Variants in GABRG3 observed in about 807,000 individuals in gnomAD.
The protein encoded by GABRG3 is gamma-aminobutyric acid type A receptor subunit gamma3.
Under a neutral mutation model 48.8 loss-of-function variants are expected in GABRG3, and 25 were observed. The observed-to-expected ratio is 0.51, with a 90% CI of 0.37 to 0.72. GABRG3 has a LOEUF of 0.72. Ranked by LOEUF, GABRG3 falls within the 30% of genes least tolerant of loss-of-function variation. GABRG3 has a pLI of 0.00. For missense variants in GABRG3, 394 were observed against 577.9 expected, an observed-to-expected ratio of 0.68 and a Z score of 3.26; for synonymous variants, 227 against 217.6, an observed-to-expected ratio of 1.04 and a Z score of -0.38.
intron 3 of GABRG3, among the ~76,000 whole-genome samples, chr15:27,256,433 T>A: frequency 8.3e-6 from 1 of 120,320 alleles, no homozygotes; most frequent in Non-Finnish European, 1.6e-5. Flanking sequence ...AGAGCAAGAC[T>A]CCGTCTCAAA....
chr15:27,090,644 C>A (rs1317426010), intron 3 of GABRG3, among the ~76,000 whole-genome samples: 1 of 152,004 alleles, frequency 6.6e-6, no homozygotes, highest in African/African-American at 2.4e-5. Context: ...GGATGTCTTT[C>A]TATTTATTTG....
chr15:27,155,611 G>T lies in GABRG3; in HGVS notation c.270+128790G>T, dbSNP rs138442350. ...AGGGAGTTGGAGTTCATCACTTCCA[G>T]GTTGCTACAGAAGTCCAGTTTCCGT... On this transcript the variant is annotated intron_variant, in intron 3 of 9. Coordinates refer to ENST00000615808, the MANE Select transcript of GABRG3 (RefSeq NM_033223.5). Among the ~76,000 whole-genome samples, 687 of 152,268 alleles carry T rather than the reference G, an allele frequency of 4.5e-3. 6 individuals carry two copies. Among genetic ancestry groups the T allele is most frequent in the African/African-American group, 0.015 (640 of 41,542 alleles).
chr15:27,302,249 T>G (rs1892235706), intron 3 of GABRG3, among the ~76,000 whole-genome samples: 1 of 151,974 alleles, frequency 6.6e-6, no homozygotes, highest in Admixed American at 6.6e-5. Flanking sequence ...AGCTATAGAA[T>G]AAAGTGGAGA....
At chr15:27,420,483 G>A (rs1888078690) in intron 5 of GABRG3, among the ~76,000 whole-genome samples, 2 of 152,170 alleles carry the variant, frequency 1.3e-5, no homozygotes, top group South Asian at 4.1e-4. Flanking sequence ...ACTATGGTTA[G>A]TAATGCCTAT....
chr15:27,474,094 AC>A (rs5811489), intron 5 of GABRG3, among the ~76,000 whole-genome samples: 152,290 of 152,290 alleles, frequency 1, 76,145 homozygotes, highest in Non-Finnish European at 1. Flanking sequence ...CAGCCACACC[AC>A]CCACCACATG....
chr15:27,081,808 T>A (rs989495080), intron 3 of GABRG3, among the ~76,000 whole-genome samples: 7 of 152,216 alleles, frequency 4.6e-5, no homozygotes, highest in African/African-American at 1.7e-4. Flanking sequence ...ATACTGCAGA[T>A]GCTCATGCTT....
Position 27,313,234 on chromosome 15 carries a change from GTA to G in GABRG3, c.271-13569_271-13568del, listed in dbSNP as rs202086840. On this transcript the variant is annotated intron_variant, in intron 3 of 9. Coordinates refer to ENST00000615808, the MANE Select transcript of GABRG3 (RefSeq NM_033223.5). ...TGTATATGTATATATATACGTATAT[GTA>G]TATATGTGTGTGTGTGTGTGTGTGT... Among the ~76,000 whole-genome samples, 181 of 63,500 alleles carry G rather than the reference GTA, an allele frequency of 2.9e-3. 2 individuals are homozygous for G. The highest frequency in any genetic ancestry group is 0.018 in the South Asian group (33 of 1,838). 41.7% of individuals were successfully genotyped at this position (63,500 alleles called of 152,430 possible).
intron 5 of GABRG3, among the ~76,000 whole-genome samples, chr15:27,330,634 ATAGTGCTTG>A (rs1893771975): frequency 6.6e-6 from 1 of 152,290 alleles, no homozygotes; most frequent in African/African-American, 2.4e-5. Context: ...GCCAGAAAGA[ATAGTGCTTG>A]TATAAATTGT....
chr15:27,050,134 T>G (rs1355257033), intron 3 of GABRG3, among the ~76,000 whole-genome samples: 1 of 152,246 alleles, frequency 6.6e-6, no homozygotes, highest in Non-Finnish European at 1.5e-5. Flanking sequence ...TATATGCAGA[T>G]TCTAAAGTGA....
chr15:27,135,521 C>G (rs760431761), intron 3 of GABRG3, among the ~76,000 whole-genome samples: 1 of 152,198 alleles, frequency 6.6e-6, no homozygotes, highest in Admixed American at 6.5e-5. Flanking sequence ...ATGGATCAGA[C>G]AGACCATGTC....
chr15:27,389,721 G>A (rs12909787), intron 5 of GABRG3, among the ~76,000 whole-genome samples: 77,044 of 152,016 alleles, frequency 0.51, 20,540 homozygotes, highest in East Asian at 0.98. Flanking sequence ...ATGACCCTTC[G>A]AGTTAACACA....
At chr15:26,985,284 A>C (rs1327170337) in intron 2 of GABRG3, among the ~76,000 whole-genome samples, 1 of 152,200 alleles carries the variant, frequency 6.6e-6, no homozygotes, top group African/African-American at 2.4e-5. Context: ...GCACTGACTC[A>C]GGATGGCTGA....
chr15:27,270,662 T>G (rs2140473286), intron 3 of GABRG3, among the ~76,000 whole-genome samples: 1 of 152,290 alleles, frequency 6.6e-6, no homozygotes, highest in South Asian at 2.1e-4. Context: ...TGGTGTTCTG[T>G]GACCCAGTGG....
At chr15:27,386,221 G>A (rs1442277481) in intron 5 of GABRG3, among the ~76,000 whole-genome samples, 2 of 152,124 alleles carry the variant, frequency 1.3e-5, no homozygotes, top group Non-Finnish European at 2.9e-5. Context: ...ATTAGTCACA[G>A]CTTGTCTTTA....
chr15:27,202,229 A>T (rs2140429498), intron 3 of GABRG3, among the ~76,000 whole-genome samples: 1 of 152,280 alleles, frequency 6.6e-6, no homozygotes, highest in Middle Eastern at 3.4e-3. Context: ...CCTTTTTATA[A>T]GGTTAGATTC....
chr15:27,434,988 G>GCTGTTCA (rs1888566090), intron 5 of GABRG3, among the ~76,000 whole-genome samples: 1 of 152,098 alleles, frequency 6.6e-6, no homozygotes, highest in South Asian at 2.1e-4. Flanking sequence ...TGATACCCCA[G>GCTGTTCA]CTGTTCACGC....
rs1178194857 is a variant in GABRG3 at position 26,971,557 on chromosome 15, C to T, written c.22C>T (p.Leu8Phe). MAPKLLL[L>F]LCLFSGLHAR... The stretch of plus-strand genomic sequence containing the variant: ...CACCATGGCCCCGAAGCTGCTGCTC[C>T]TCCTCTGCCTGTTCTCGGGCTTGCA... The change falls in exon 1 of 10, where the codon CTC (leucine) becomes TTC (phenylalanine). Residue 8 changes from leucine (L) to phenylalanine (F), a missense_variant. By Grantham distance (22) the Leu-to-Phe change is conservative (BLOSUM62 0). Around this residue, in one of 3 missense-constraint regions of GABRG3, gnomAD observed 218 missense variants for 309.9 expected, o/e 0.70. Coordinates refer to ENST00000615808, the MANE Select transcript of GABRG3 (RefSeq NM_033223.5). 5 of 1,530,660 alleles carry T rather than the reference C, an allele frequency of 3.3e-6. 1 individual carries two copies. The highest frequency in any genetic ancestry group is 2.0e-5 in the Admixed American group (1 of 49,498). 94.8% of individuals were successfully genotyped at this position (1,530,660 alleles called of 1,614,324 possible).
chr15:27,465,190 A>G (rs1233165288), intron 5 of GABRG3, among the ~76,000 whole-genome samples: 4 of 152,194 alleles, frequency 2.6e-5, no homozygotes, highest in Non-Finnish European at 4.4e-5. Context: ...CACTTGCCTC[A>G]GCAGAGCCCA....
chr15:27,142,815 C>A (rs1035605323), intron 3 of GABRG3, among the ~76,000 whole-genome samples: 2 of 151,814 alleles, frequency 1.3e-5, no homozygotes, highest in African/African-American at 4.8e-5. Flanking sequence ...TGTCTGTTGC[C>A]CAGACTGGAG....
Sources: gnomAD v4.1 joint callset for allele counts (sites outside exome capture counted in the v4.1 genomes callset) on GRCh38, gnomAD v4.1.1 for gene constraint, gnomAD v4.1.1 regional missense constraint, MANE v1.5 for transcripts, NCBI Gene and HGNC (gene_info 2026-07-23, HGNC 2026-07-21) for gene names.